Variants in NTN1 observed in about 807,000 individuals in gnomAD.
The protein encoded by NTN1 is netrin 1.
A neutral mutation model predicts 54.2 loss-of-function variants in NTN1; 11 were observed. The observed-to-expected ratio is 0.20, with a 90% CI of 0.13 to 0.34. NTN1 has a LOEUF of 0.34. Ranked by LOEUF, NTN1 falls within the 10% of genes least tolerant of loss-of-function variation. The pLI is 1.00. For missense variants in NTN1, 740 were observed against 893.1 expected (o/e 0.83, Z 2.18); for synonymous variants, 371 against 382.0 (o/e 0.97, Z 0.33).
At chr17:9,005,606 C>T in the NTN1 span, among the ~76,000 whole-genome samples, 1 of 152,184 alleles carries the variant, frequency 6.6e-6, no homozygotes, top group Non-Finnish European at 1.5e-5. Flanking sequence ...AGGTTCTTTA[C>T]CTAGCAGGCC....
At chr17:9,041,830 G>A (rs1332078864) in intron 2 of NTN1, among the ~76,000 whole-genome samples, 2 of 152,056 alleles carry the variant, frequency 1.3e-5, no homozygotes, top group Non-Finnish European at 2.9e-5. Context: ...CCAACGTGGT[G>A]AAACTTCGTC....
chr17:9,087,752 C>G (rs2092094411), intron 2 of NTN1, among the ~76,000 whole-genome samples: 1 of 152,222 alleles, frequency 6.6e-6, no homozygotes, highest in South Asian at 2.1e-4. Flanking sequence ...TGTTTGGAAC[C>G]CTGGGCCTGT....
chr17:9,139,460 CAG>C (rs1240954048), intron 2 of NTN1, among the ~76,000 whole-genome samples: 1 of 152,194 alleles, frequency 6.6e-6, no homozygotes, highest in Admixed American at 6.5e-5. Flanking sequence ...GGTCCAGGGA[CAG>C]AGCTTGCTGG....
chr17:9,191,017 C>T (rs12945811), intron 5 of NTN1, among the ~76,000 whole-genome samples: 105,913 of 152,060 alleles, frequency 0.7, 37,045 homozygotes, highest in South Asian at 0.81. Flanking sequence ...CTGTATATCA[C>T]CAATGGATTA....
chr17:9,212,075 T>C lies in NTN1; in HGVS notation c.1412-9093T>C, dbSNP rs1302918932. Among the ~76,000 whole-genome samples the C allele has an allele frequency of 6.6e-6, 1 of 152,236 alleles. No homozygotes were observed. The highest frequency in any genetic ancestry group is 1.9e-4 in the East Asian group (1 of 5,202). ...AAGGCCCAAAGTCAAATGAGCATTTTGCTTTTGAGGCAGGTAGGGCTTGAG... is the reference window on the plus strand; with the variant it reads ...AAGGCCCAAAGTCAAATGAGCATTTCGCTTTTGAGGCAGGTAGGGCTTGAG... On this transcript the variant is annotated intron_variant, in intron 5 of 6. Coordinates refer to ENST00000173229, the MANE Select transcript of NTN1 (RefSeq NM_004822.3). The surrounding 1 kb of genome is among the most constrained non-coding windows in gnomAD (Gnocchi z 5.5).
chr17:9,235,498 G>A (rs566787860), intron 6 of NTN1, among the ~76,000 whole-genome samples: 9 of 152,292 alleles, frequency 5.9e-5, no homozygotes, highest in African/African-American at 2.2e-4. Flanking sequence ...GAGTTTCATC[G>A]TGTGGGTGTG....
Position 9,211,781 on chromosome 17 carries a change from G to C in NTN1, c.1412-9387G>C, listed in dbSNP as rs1905113700. On this transcript the variant is annotated intron_variant, in intron 5 of 6. Transcript: ENST00000173229. The surrounding 1 kb of genome is among the most constrained non-coding windows in gnomAD (Gnocchi z 4.4). ...TTATGTTTTGTTTCTTTGATAATTTGAGATTGAACATGGGTGCATCTCTTT... is the reference window on the plus strand; with the variant it reads ...TTATGTTTTGTTTCTTTGATAATTTCAGATTGAACATGGGTGCATCTCTTT... Among the ~76,000 whole-genome samples the C allele has an allele frequency of 6.6e-6, 1 of 152,194 alleles. No homozygotes were observed. Among genetic ancestry groups the C allele is most frequent in the Admixed American group, 6.5e-5 (1 of 15,280 alleles).
chr17:9,105,653 T>C (rs1042624686), intron 2 of NTN1, among the ~76,000 whole-genome samples: 1 of 139,166 alleles, frequency 7.2e-6, no homozygotes, highest in African/African-American at 2.5e-5. Flanking sequence ...GTTCTGTCTC[T>C]CTCTCTTTCT....
chr17:9,015,176 C>T, the NTN1 span, among the ~76,000 whole-genome samples: 2 of 152,056 alleles, frequency 1.3e-5, no homozygotes, highest in Non-Finnish European at 2.9e-5. Context: ...TTTGGGAGGC[C>T]GAGGCAGGTG....
chr17:9,141,498 T>C (rs61564307), intron 2 of NTN1, among the ~76,000 whole-genome samples: 12,722 of 151,978 alleles, frequency 0.084, 1,777 homozygotes, highest in African/African-American at 0.29. Context: ...GGCCTTAGCG[T>C]GGGCGTCCTG....
intron 2 of NTN1, among the ~76,000 whole-genome samples, chr17:9,091,346 C>T (rs2092109815): frequency 6.6e-6 from 1 of 152,116 alleles, no homozygotes; most frequent in Non-Finnish European, 1.5e-5. Context: ...CTCAAAACTC[C>T]TAGGTTCAAG....
intron 4 of NTN1, among the ~76,000 whole-genome samples, chr17:9,182,617 G>A (rs190473637): frequency 6.6e-6 from 1 of 152,336 alleles, no homozygotes; most frequent in African/African-American, 2.4e-5. Flanking sequence ...GGGTGGAGCT[G>A]AGTTGACGCC....
At chr17:9,106,475 T>C (rs776022669) in intron 2 of NTN1, among the ~76,000 whole-genome samples, 6 of 20,014 alleles carry the variant, frequency 3.0e-4, no homozygotes, top group African/African-American at 1.0e-3. Flanking sequence ...CTCCCTTCCT[T>C]CCTTCCTTCC....
chr17:9,193,938 A>AACAAAAAAC (rs1555575005), intron 5 of NTN1, among the ~76,000 whole-genome samples: 1 of 108,306 alleles, frequency 9.2e-6, no homozygotes, highest in African/African-American at 3.2e-5. Flanking sequence ...AAAAAAAAAA[A>AACAAAAAAC]AAAAAACATT....
chr17:9,030,923 GTC>G (rs933971439), intron 2 of NTN1, among the ~76,000 whole-genome samples: 7 of 152,152 alleles, frequency 4.6e-5, no homozygotes, highest in African/African-American at 1.7e-4. Flanking sequence ...CTAGAAGTCT[GTC>G]TCCCTGGAGG....
intron 6 of NTN1, among the ~76,000 whole-genome samples, chr17:9,226,287 G>A (rs117821694): frequency 0.057 from 8,733 of 152,212 alleles, 366 homozygotes; most frequent in Non-Finnish European, 0.085. Context: ...GAGCTTCGCC[G>A]CCGGGGCCTC....
At chr17:9,078,014 G>C (rs2092057140) in intron 2 of NTN1, among the ~76,000 whole-genome samples, 1 of 152,102 alleles carries the variant, frequency 6.6e-6, no homozygotes, top group African/African-American at 2.4e-5. Context: ...AGCACTCCTT[G>C]TCACCACTCA....
chr17:9,022,332 C>G lies in NTN1; in HGVS notation c.-42C>G, dbSNP rs1299208183. ...GCAGGCGCCTTCTGCGGCAGGCGGA[C>G]AGATCCTCGGCGCGGCAGGGCCGGG... On this transcript the variant is annotated 5_prime_UTR_variant, in exon 2 of 7. Transcript: ENST00000173229. The G allele has an allele frequency of 7.9e-7, 1 of 1,268,040 alleles. No individual in the cohort carries two copies. The highest frequency in any genetic ancestry group is 9.9e-7 in the Non-Finnish European group (1 of 1,012,224). The allele number at this position is 1,268,040 out of a possible 1,614,324, so 78.5% of individuals were successfully genotyped here.
chr17:9,239,508 C>A lies in NTN1; in HGVS notation c.1487-132C>A. 3 of 798,252 alleles carry A rather than the reference C, an allele frequency of 3.8e-6. No homozygotes were observed. Among genetic ancestry groups the A allele is most frequent in the South Asian group, 1.8e-5 (1 of 54,938 alleles). The allele number at this position is 798,252 out of a possible 1,614,324, so 49.4% of individuals were successfully genotyped here. A position where few individuals can be genotyped will look rare whatever the true frequency, so the allele number is the denominator to read the frequency against. ...TACGATCAGCTTGCCACCACCCACG[C>A]GCTCCTGTATGGGCCACTCTGTGCA... On this transcript the variant is annotated intron_variant, in intron 6 of 6. Transcript: ENST00000173229. This position sits in a 1 kb window ranked among gnomAD's most constrained non-coding sequence, Gnocchi z 5.2.
Sources: allele counts gnomAD v4.1 joint callset (sites outside exome capture counted in the v4.1 genomes callset), GRCh38; gene constraint gnomAD v4.1.1; non-coding constraint Gnocchi (gnomAD v3.1); transcripts MANE v1.5; gene names NCBI Gene and HGNC (gene_info 2026-07-23, HGNC 2026-07-21).